The following MCTP1 variants were observed in gnomAD, a reference collection of about 807,000 sequenced individuals.
The protein encoded by MCTP1 is multiple C2 and transmembrane domain containing 1.
Under a neutral mutation model 120.6 loss-of-function variants are expected in MCTP1, and 69 were observed. That is an observed-to-expected ratio of 0.57 (90% CI 0.47 to 0.70). MCTP1 has a LOEUF of 0.70. Among genes scored for constraint, MCTP1 ranks in the 30% least tolerant of loss-of-function variants. The pLI is 0.00. For synonymous variants in MCTP1, 529 were observed against 493.1 expected (o/e 1.07, Z -0.96); for missense variants, 1,203 against 1,248.8 (o/e 0.96, Z 0.55).
intron 1 of MCTP1, among the ~76,000 whole-genome samples, chr5:95,197,791 G>A (rs1267669626): frequency 1.3e-5 from 2 of 152,032 alleles, no homozygotes; most frequent in Non-Finnish European, 2.9e-5. Context: ...GTATCCACGT[G>A]GGATTGGTTC....
intron 1 of MCTP1, among the ~76,000 whole-genome samples, chr5:95,108,317 C>G (rs1043742737): frequency 3.3e-5 from 5 of 152,108 alleles, no homozygotes; most frequent in Non-Finnish European, 7.4e-5. Flanking sequence ...AGATGGAAAC[C>G]AAGAACATTT....
At chr5:94,820,290 G>C (rs1338389506) in intron 17 of MCTP1, among the ~76,000 whole-genome samples, 5 of 152,184 alleles carry the variant, frequency 3.3e-5, no homozygotes, top group Non-Finnish European at 1.5e-5. Flanking sequence ...AAGCACTCAA[G>C]TTAGTTACAG....
Position 94,953,273 on chromosome 5 carries a change from C to T in MCTP1, c.927G>A (p.Trp309Ter). 6.2e-7 allele frequency: 1 copy of T among 1,612,622 alleles called. No homozygotes were observed. The highest frequency in any genetic ancestry group is 8.5e-7 in the Non-Finnish European group (1 of 1,179,290). The change falls in exon 3 of 23, where the codon TGG becomes TGA. Residue 309 changes from tryptophan (W) to a stop codon, truncating the protein, a stop_gained. Coordinates refer to ENST00000515393, the MANE Select transcript of MCTP1 (RefSeq NM_024717.7). LOFTEE classifies it high-confidence loss of function. The stretch of plus-strand genomic sequence containing the variant: ...CAACCAGAATACAAGCTTTTTCTTC[C>T]CACACAGGGTTGAGGTTCTTGTGTA... ...KIIHKNLNPV[W>*]EEKACILVDH...
At chr5:94,784,033 C>G (rs1279222950) in intron 18 of MCTP1, among the ~76,000 whole-genome samples, 1 of 152,070 alleles carries the variant, frequency 6.6e-6, no homozygotes, top group Non-Finnish European at 1.5e-5. Flanking sequence ...AACACGTTTA[C>G]ACATTTAAAG....
rs548344000 is a variant in MCTP1, at chr5:94,987,898, C to T, written c.838+29469G>A. Reference sequence around the variant, plus strand: ...TGTGGTTTTACACAAAGAGTTTGTGCGCTTATTCTGTTTGCCTTGGACTTT... The same window carrying T: ...TGTGGTTTTACACAAAGAGTTTGTGTGCTTATTCTGTTTGCCTTGGACTTT... On this transcript the variant is annotated intron_variant, in intron 2 of 22. Coordinates refer to ENST00000515393, the MANE Select transcript of MCTP1 (RefSeq NM_024717.7). Among the ~76,000 whole-genome samples, 35 of 152,228 alleles carry T rather than the reference C, an allele frequency of 2.3e-4. No individual in the cohort carries two copies. In the South Asian group the frequency reaches 4.1e-3, roughly 18 times the overall value.
chr5:94,895,597 A>G (rs1300386865), intron 10 of MCTP1, among the ~76,000 whole-genome samples: 1 of 152,244 alleles, frequency 6.6e-6, no homozygotes, highest in African/African-American at 2.4e-5. Flanking sequence ...CATTTAAAAT[A>G]GGAAATAGCC....
At chr5:94,849,918 C>A (rs1793306856) in intron 17 of MCTP1, among the ~76,000 whole-genome samples, 1 of 152,106 alleles carries the variant, frequency 6.6e-6, no homozygotes, top group Non-Finnish European at 1.5e-5. Flanking sequence ...TAACTAGTCA[C>A]AAAAACAATG....
intron 1 of MCTP1, among the ~76,000 whole-genome samples, chr5:95,282,189 A>C (rs921986322): frequency 6.6e-6 from 1 of 152,242 alleles, no homozygotes; most frequent in Non-Finnish European, 1.5e-5. Flanking sequence ...TTTTGTATAC[A>C]AAATTCATAC....
chr5:94,878,887 G>A (rs1006671755), intron 12 of MCTP1, among the ~76,000 whole-genome samples: 4 of 152,020 alleles, frequency 2.6e-5, no homozygotes, highest in African/African-American at 9.7e-5. Flanking sequence ...GAGGGTAGAG[G>A]AGGGGCACTG....
intron 1 of MCTP1, among the ~76,000 whole-genome samples, chr5:95,169,290 C>T (rs190159748): frequency 2.4e-3 from 362 of 152,236 alleles, no homozygotes; most frequent in African/African-American, 8.2e-3. Context: ...CTGCTGGATT[C>T]GGTTTGCCAG....
chr5:94,988,228 A>G (rs1193490673), intron 2 of MCTP1, among the ~76,000 whole-genome samples: 1 of 152,200 alleles, frequency 6.6e-6, no homozygotes, highest in Non-Finnish European at 1.5e-5. Context: ...CTATACTAAA[A>G]GCACTTAGGG....
intron 17 of MCTP1, among the ~76,000 whole-genome samples, chr5:94,801,872 AG>A (rs1408013614): frequency 6.6e-6 from 1 of 152,214 alleles, no homozygotes; most frequent in Non-Finnish European, 1.5e-5. Flanking sequence ...TTCAAGCATC[AG>A]TTACAGATTA....
At chr5:94,993,535 T>A (rs1482729871) in intron 2 of MCTP1, among the ~76,000 whole-genome samples, 1 of 152,184 alleles carries the variant, frequency 6.6e-6, no homozygotes, top group Non-Finnish European at 1.5e-5. Flanking sequence ...ATGATTTGTT[T>A]ATATTAGAAA....
At chr5:94,886,947 C>T (rs1436712766) in intron 12 of MCTP1, among the ~76,000 whole-genome samples, 1 of 152,122 alleles carries the variant, frequency 6.6e-6, no homozygotes, top group Non-Finnish European at 1.5e-5. Context: ...TATATTCAGA[C>T]ATTTCTGACT....
intron 1 of MCTP1, among the ~76,000 whole-genome samples, chr5:95,178,744 T>A (rs1748292138): frequency 6.6e-6 from 1 of 152,038 alleles, no homozygotes; most frequent in African/African-American, 2.4e-5. Context: ...GAAAAATAAT[T>A]CTGGTATTAC....
chr5:94,990,697 C>T (rs1831369894), intron 2 of MCTP1, among the ~76,000 whole-genome samples: 1 of 152,218 alleles, frequency 6.6e-6, no homozygotes, highest in Non-Finnish European at 1.5e-5. Flanking sequence ...ATTCTATCCA[C>T]TCTGAAGGGG....
At chr5:94,945,172 T>A (rs1300617653) in intron 3 of MCTP1, among the ~76,000 whole-genome samples, 1 of 152,128 alleles carries the variant, frequency 6.6e-6, no homozygotes, top group African/African-American at 2.4e-5. Flanking sequence ...AAAACATGAA[T>A]GATTTAGATG....
chr5:95,012,794 C>A (rs34934247), intron 2 of MCTP1, among the ~76,000 whole-genome samples: 21,571 of 152,074 alleles, frequency 0.14, 1,910 homozygotes, highest in Middle Eastern at 0.21. Context: ...CTCCTCAGGC[C>A]TCCCTATTAC....
At chr5:94,977,153 A>G (rs2153586954) in intron 2 of MCTP1, among the ~76,000 whole-genome samples, 1 of 152,278 alleles carries the variant, frequency 6.6e-6, no homozygotes, top group African/African-American at 2.4e-5. Flanking sequence ...ATACAAAATC[A>G]ATTGCATTTT....
Sources: gnomAD v4.1 joint callset for allele counts (sites outside exome capture counted in the v4.1 genomes callset) on GRCh38, gnomAD v4.1.1 for gene constraint, MANE v1.5 for transcripts, NCBI Gene and HGNC (gene_info 2026-07-23, HGNC 2026-07-21) for gene names.